The following TLL1 variants were observed in gnomAD, a reference collection of about 807,000 sequenced individuals.
TLL1 encodes tolloid like 1, also known as tolloid-like protein 1.
In TLL1, 49 loss-of-function variants were observed where a neutral mutation model predicts 128.2. The observed-to-expected ratio is 0.38, with a 90% CI of 0.30 to 0.48. The LOEUF (loss-of-function observed/expected upper bound fraction) is 0.48, where lower values mean the gene tolerates loss of function less well. TLL1 is among the 20% of genes least tolerant of loss of function. TLL1 has a pLI of 0.96. For missense variants in TLL1, 1,123 were observed against 1,242.0 expected, an observed-to-expected ratio of 0.90 and a Z score of 1.44; for synonymous variants, 454 against 418.8, an observed-to-expected ratio of 1.08 and a Z score of -1.03.
At chr4:166,030,361 T>G in intron 9 of TLL1, 1 of 411,304 alleles carries the variant, frequency 2.4e-6, no homozygotes, top group Middle Eastern at 3.2e-4. Context: ...GATTATTTGA[T>G]TTTGTCTTTC....
At chr4:166,073,981 T>C (rs565762967) in intron 16 of TLL1, among the ~76,000 whole-genome samples, 4 of 152,186 alleles carry the variant, frequency 2.6e-5, no homozygotes, top group African/African-American at 9.6e-5. Context: ...TGAATGTGTG[T>C]CAGGAGCAAT....
At chr4:165,966,159 C>G (rs1171196043) in intron 1 of TLL1, among the ~76,000 whole-genome samples, 1 of 126,752 alleles carries the variant, frequency 7.9e-6, no homozygotes, top group Non-Finnish European at 1.6e-5. Flanking sequence ...GCCTGGACAA[C>G]AGAGCAAGAC....
chr4:165,883,044 C>G (rs1731029320), intron 1 of TLL1, among the ~76,000 whole-genome samples: 1 of 152,044 alleles, frequency 6.6e-6, no homozygotes, highest in African/African-American at 2.4e-5. Context: ...GGATATACTT[C>G]CAGTTTGTTC....
intron 7 of TLL1, among the ~76,000 whole-genome samples, chr4:166,010,745 C>T (rs1408658417): frequency 6.6e-6 from 1 of 150,768 alleles, no homozygotes; most frequent in Non-Finnish European, 1.5e-5. Context: ...GAAGCTTTCC[C>T]CTTGTGTTTT....
At chr4:166,045,544 C>G (rs1739424942) in intron 12 of TLL1, among the ~76,000 whole-genome samples, 1 of 152,126 alleles carries the variant, frequency 6.6e-6, no homozygotes, top group Non-Finnish European at 1.5e-5. Flanking sequence ...GGTCTCTACT[C>G]TTGCTCTGCA....
intron 1 of TLL1, among the ~76,000 whole-genome samples, chr4:165,954,433 G>A (rs537149223): frequency 1.8e-4 from 27 of 152,176 alleles, no homozygotes; most frequent in African/African-American, 6.5e-4. Context: ...TAATAGTACT[G>A]GGAGAAAAAC....
chr4:165,963,768 A>G (rs571660324), intron 1 of TLL1, among the ~76,000 whole-genome samples: 1 of 152,288 alleles, frequency 6.6e-6, no homozygotes, highest in Non-Finnish European at 1.5e-5. Flanking sequence ...ACATGTTTCC[A>G]CAGTGACAGT....
chr4:165,939,727 T>A (rs1733918872), intron 1 of TLL1, among the ~76,000 whole-genome samples: 1 of 152,030 alleles, frequency 6.6e-6, no homozygotes, highest in Non-Finnish European at 1.5e-5. Context: ...ATTTTTTAGT[T>A]TCATTTAAGA....
At chr4:165,985,515 G>A (rs76427489) in intron 1 of TLL1, among the ~76,000 whole-genome samples, 2,684 of 152,018 alleles carry the variant, frequency 0.018, 41 homozygotes, top group Non-Finnish European at 0.028. Context: ...AAAAATACAT[G>A]GTGTTTGTGT....
intron 9 of TLL1, chr4:166,030,641 T>A: frequency 1.3e-6 from 1 of 761,080 alleles, no homozygotes; most frequent in Non-Finnish European, 1.8e-6. Flanking sequence ...AGTTTTACAG[T>A]CTTATATGTA....
In TLL1 at chr4:166,100,746, C is replaced by A. The variant is rs544811803; in HGVS notation, c.2912C>A (p.Pro971Gln). 1 of 1,612,728 alleles carries A rather than the reference C, an allele frequency of 6.2e-7. No homozygotes were observed. Among genetic ancestry groups the A allele is most frequent in the African/African-American group, 1.3e-5 (1 of 74,918 alleles). Residue 971 changes from proline (P) to glutamine (Q), a missense_variant, in exon 21 of 21, where the codon CCA becomes CAA. Pro to Gln is a moderately conservative substitution (Grantham distance 76, BLOSUM62 -1). Transcript: ENST00000061240. ...GTTGTTTTTGTTTTCCTTCAGCCAC[C>A]AGAAGAGATTTATTCAATTGGAGAT... ...GLGRFCGSGP[P>Q]EEIYSIGDSV...
chr4:166,025,091 T>A (rs1237161521), intron 8 of TLL1, among the ~76,000 whole-genome samples: 1 of 152,142 alleles, frequency 6.6e-6, no homozygotes, highest in Non-Finnish European at 1.5e-5. Flanking sequence ...GCCACATTAT[T>A]TCTCTTATAA....
At chr4:165,991,908 T>C (rs188054708) in intron 2 of TLL1, among the ~76,000 whole-genome samples, 114 of 152,048 alleles carry the variant, frequency 7.5e-4, no homozygotes, top group Admixed American at 1.5e-3. Flanking sequence ...GAATGATAAC[T>C]TTTTCCTATT....
chr4:165,908,162 C>A (rs1300742769), intron 1 of TLL1, among the ~76,000 whole-genome samples: 2 of 152,162 alleles, frequency 1.3e-5, no homozygotes, highest in Non-Finnish European at 2.9e-5. Context: ...AATTGTTATT[C>A]TCATTTTAAA....
At chr4:166,036,576 A>C (rs1739011413) in intron 9 of TLL1, among the ~76,000 whole-genome samples, 1 of 152,208 alleles carries the variant, frequency 6.6e-6, no homozygotes, top group Non-Finnish European at 1.5e-5. Flanking sequence ...TCCTGCTAGC[A>C]ACCTTAGTCA....
intron 9 of TLL1, among the ~76,000 whole-genome samples, chr4:166,038,335 C>T (rs1739092437): frequency 6.6e-6 from 1 of 151,662 alleles, no homozygotes; most frequent in South Asian, 2.1e-4. Context: ...TTGCTACAAA[C>T]TATAGTTTTG....
At chr4:165,894,758 A>G (rs1207536601) in intron 1 of TLL1, among the ~76,000 whole-genome samples, 1 of 151,654 alleles carries the variant, frequency 6.6e-6, no homozygotes, top group East Asian at 1.9e-4. Flanking sequence ...TTCATGGGTG[A>G]CTATTATCAG....
Position 166,057,321 on chromosome 4 carries a change from C to T in TLL1, c.1846+12C>T. The T allele has an allele frequency of 1.2e-6, 2 of 1,613,596 alleles. No individual in the cohort carries two copies. The highest frequency in any genetic ancestry group is 1.1e-5 in the South Asian group (1 of 91,074). On this transcript the variant is annotated intron_variant, in intron 14 of 20. Transcript: ENST00000061240. ...AAGGAGCTGTGAAGGTATGACTGCA[C>T]TCCTTCCTGGACCCCCACCCCCCAC... is the stretch of plus-strand genomic sequence containing the variant.
intron 8 of TLL1, among the ~76,000 whole-genome samples, chr4:166,016,917 C>T (rs1457635459): frequency 6.6e-6 from 1 of 150,614 alleles, no homozygotes; most frequent in Non-Finnish European, 1.5e-5. Context: ...ATGACTTTTT[C>T]TTCTATCTTG....
Sources: allele counts gnomAD v4.1 joint callset (sites outside exome capture counted in the v4.1 genomes callset), GRCh38; gene constraint gnomAD v4.1.1; transcripts MANE v1.5; gene names NCBI Gene and HGNC (gene_info 2026-07-23, HGNC 2026-07-21).